GRIN3A: variants seen among roughly 807,000 people sequenced by gnomAD.
GRIN3A encodes the protein glutamate receptor ionotropic, NMDA 3A.
A neutral mutation model predicts 92.4 loss-of-function variants in GRIN3A; 47 were observed. That is an observed-to-expected ratio of 0.51 (90% CI 0.40 to 0.65). The LOEUF is 0.65. Among genes scored for constraint, GRIN3A ranks in the 30% least tolerant of loss-of-function variants. The pLI, the probability that GRIN3A is intolerant of heterozygous loss-of-function variation, is 0.00. For missense variants in GRIN3A, 1,324 were observed against 1,393.1 expected, an observed-to-expected ratio of 0.95 and a Z score of 0.79; for synonymous variants, 527 against 540.6, an observed-to-expected ratio of 0.97 and a Z score of 0.35.
intron 3 of GRIN3A, among the ~76,000 whole-genome samples, chr9:101,656,241 G>A (rs1292803037): frequency 6.6e-6 from 1 of 151,868 alleles, no homozygotes; most frequent in Non-Finnish European, 1.5e-5. Context: ...GGGGGTGGGA[G>A]AATTCTGGGT....
intron 2 of GRIN3A, among the ~76,000 whole-genome samples, chr9:101,682,685 T>TA (rs1240544008): frequency 1.3e-5 from 2 of 152,140 alleles, no homozygotes; most frequent in African/African-American, 2.4e-5. Context: ...AACTAACATT[T>TA]AAAAAAACAA....
At chr9:101,732,110 T>A (rs1257631743) in intron 1 of GRIN3A, among the ~76,000 whole-genome samples, 1 of 152,218 alleles carries the variant, frequency 6.6e-6, no homozygotes, top group Non-Finnish European at 1.5e-5. Context: ...TGAGCAATAC[T>A]TTCCTAAGAG....
chr9:101,662,951 A>T (rs1829190038), intron 3 of GRIN3A, among the ~76,000 whole-genome samples: 1 of 151,820 alleles, frequency 6.6e-6, no homozygotes, highest in African/African-American at 2.4e-5. Flanking sequence ...CTACAGTATG[A>T]CATTCTTTGG....
chr9:101,579,274 A>G lies in GRIN3A; in HGVS notation c.2853T>C (p.Gly951=). Residue 951 remains glycine (G), a synonymous_variant, in exon 7 of 9, where the codon GGT becomes GGC. Coordinates refer to ENST00000361820, the MANE Select transcript of GRIN3A (RefSeq NM_133445.3). The stretch of plus-strand genomic sequence containing the variant: ...GCAGCAGCCTGTATACTATGTGCTC[A>G]CCAATGGTGGTCAAAATGGACAGAC... The part of the protein sequence containing the change: ...GFGLSILTTI[G]EHIVYRLLLP... 1.9e-6 allele frequency: 3 copies of G among 1,614,018 alleles called. No homozygotes were observed. The highest frequency in any genetic ancestry group is 2.5e-6 in the Non-Finnish European group (3 of 1,179,934).
At position 101,571,893 on chromosome 9, in the gene GRIN3A, C is replaced by T. The variant is rs1347491966; in HGVS notation, c.*1281G>A. 6.6e-6 allele frequency: 1 copy of T among 152,200 alleles called. No homozygotes were observed. Among genetic ancestry groups the T allele is most frequent in the African/African-American group, 2.4e-5 (1 of 41,424 alleles). The allele number at this position is 152,200 out of a possible 1,614,324, so 9.4% of individuals were successfully genotyped here. ...GAGTTCTCTACTAGATGACTCTTAT[C>T]TACATTGACATTTGAGAACTGACCC... On this transcript the variant is annotated 3_prime_UTR_variant, in exon 9 of 9. Transcript: ENST00000361820.
intron 3 of GRIN3A, among the ~76,000 whole-genome samples, chr9:101,635,776 T>C (rs2086294742): frequency 6.6e-6 from 1 of 152,242 alleles, no homozygotes; most frequent in South Asian, 2.1e-4. Context: ...AGCAACAGTA[T>C]GACATTTGGA....
At chr9:101,708,749 T>C (rs757476456) in intron 1 of GRIN3A, among the ~76,000 whole-genome samples, 2 of 152,218 alleles carry the variant, frequency 1.3e-5, no homozygotes, top group African/African-American at 2.4e-5. Flanking sequence ...ATTTTTATGC[T>C]AGATGAGTGA....
At chr9:101,664,438 A>T (rs963003138) in intron 3 of GRIN3A, among the ~76,000 whole-genome samples, 19 of 151,976 alleles carry the variant, frequency 1.3e-4, no homozygotes, top group African/African-American at 4.6e-4. Context: ...AGTTGGTAGG[A>T]GGCCGTGAGA....
Position 101,670,205 on chromosome 9 carries a change from G to C in GRIN3A, c.2207C>G (p.Pro736Arg), listed in dbSNP as rs1293524929. 6.2e-7 allele frequency: 1 copy of C among 1,614,020 alleles called. No homozygotes were observed. Among genetic ancestry groups the C allele is most frequent in the East Asian group, 2.2e-5 (1 of 44,866 alleles). Residue 736 changes from proline (P) to arginine (R), a missense_variant, in exon 3 of 9, where the codon CCT (proline) becomes CGT (arginine). Pro to Arg is a moderately radical substitution (Grantham distance 103, BLOSUM62 -2). Transcript: ENST00000361820. ...AAACCTTCCAGTCCAACATTTTGGA[G>C]GTTTGATGGCCACTGTTCTGCCAAA... The part of the protein sequence containing the change: ...LLFGRTVAIK[P>R]PKCWTGRFLM...
At chr9:101,661,723 A>T (rs969650170) in intron 3 of GRIN3A, among the ~76,000 whole-genome samples, 3 of 151,800 alleles carry the variant, frequency 2.0e-5, no homozygotes, top group African/African-American at 7.2e-5. Context: ...ACAGATTCCT[A>T]GAAGTGAAAG....
At chr9:101,596,311 G>A (rs1183588271) in intron 6 of GRIN3A, among the ~76,000 whole-genome samples, 1 of 152,126 alleles carries the variant, frequency 6.6e-6, no homozygotes, top group Non-Finnish European at 1.5e-5. Context: ...TTACACAAAT[G>A]AAACCCCCTT....
chr9:101,606,567 T>C (rs917673803), intron 6 of GRIN3A, among the ~76,000 whole-genome samples: 2 of 152,158 alleles, frequency 1.3e-5, no homozygotes, highest in East Asian at 3.9e-4. Context: ...GACTGTAGTA[T>C]CTTAACTGGT....
chr9:101,621,200 G>A (rs544826237), intron 5 of GRIN3A, among the ~76,000 whole-genome samples: 40 of 151,372 alleles, frequency 2.6e-4, no homozygotes, highest in African/African-American at 5.8e-4. Flanking sequence ...CATGAGAATC[G>A]CTTGAACCTG....
intron 3 of GRIN3A, among the ~76,000 whole-genome samples, chr9:101,654,958 T>C (rs1829065859): frequency 6.6e-6 from 1 of 151,894 alleles, no homozygotes; most frequent in Non-Finnish European, 1.5e-5. Flanking sequence ...TATGGTGACA[T>C]ATATATTTAT....
chr9:101,602,017 T>C (rs1049138068), intron 6 of GRIN3A, among the ~76,000 whole-genome samples: 2 of 152,064 alleles, frequency 1.3e-5, no homozygotes, highest in African/African-American at 4.8e-5. Context: ...GGGAAGGAGC[T>C]CAGAGGAGGC....
chr9:101,735,582 C>T (rs908889180), intron 1 of GRIN3A, among the ~76,000 whole-genome samples: 1 of 151,996 alleles, frequency 6.6e-6, no homozygotes, highest in East Asian at 1.9e-4. Context: ...TCTTGCCAAA[C>T]AATCTACAAA....
chr9:101,717,044 C>T (rs1829956268), intron 1 of GRIN3A, among the ~76,000 whole-genome samples: 1 of 152,186 alleles, frequency 6.6e-6, no homozygotes, highest in Non-Finnish European at 1.5e-5. Context: ...CCATTACCTT[C>T]ATGGCCTCTA....
At chr9:101,713,224 C>T (rs1330335399) in intron 1 of GRIN3A, among the ~76,000 whole-genome samples, 1 of 152,124 alleles carries the variant, frequency 6.6e-6, no homozygotes, top group East Asian at 1.9e-4. Flanking sequence ...GTAGGCATCT[C>T]CAAGAAGAAC....
chr9:101,626,884 C>T (rs1239292133), intron 4 of GRIN3A, among the ~76,000 whole-genome samples: 2 of 152,194 alleles, frequency 1.3e-5, no homozygotes, highest in East Asian at 1.9e-4. Flanking sequence ...TCATCTGTGG[C>T]CGCTTTCCTG....
Sources: allele counts gnomAD v4.1 joint callset (sites outside exome capture counted in the v4.1 genomes callset), GRCh38; gene constraint gnomAD v4.1.1; transcripts MANE v1.5; gene names NCBI Gene and HGNC (gene_info 2026-07-23, HGNC 2026-07-21).